SUPT3H: variants seen among roughly 807,000 people sequenced by gnomAD.
The protein encoded by SUPT3H is SPT3 homolog, SAGA and STAGA complex component, also known as transcription initiation protein SPT3 homolog.
SUPT3H carries 44 observed loss-of-function variants against 44.3 expected under a neutral mutation model. The observed-to-expected ratio is 0.99, with a 90% CI of 0.78 to 1.28. SUPT3H has a LOEUF of 1.28. Among genes scored for constraint, SUPT3H ranks in the 50% most tolerant of loss-of-function variants. SUPT3H has a pLI of 0.00. For synonymous variants in SUPT3H, 124 were observed against 125.6 expected (o/e 0.99, Z 0.09); for missense variants, 380 against 387.1 (o/e 0.98, Z 0.15).
intron 2 of SUPT3H, among the ~76,000 whole-genome samples, chr6:45,211,903 T>C (rs1360848557): frequency 6.7e-6 from 1 of 148,466 alleles, no homozygotes; most frequent in Non-Finnish European, 1.5e-5. Context: ...GTGGCTCACA[T>C]GTGTAATCCT....
chr6:45,138,115 T>C (rs1175761187), intron 2 of SUPT3H, among the ~76,000 whole-genome samples: 1 of 152,050 alleles, frequency 6.6e-6, no homozygotes, highest in East Asian at 1.9e-4. Flanking sequence ...TGCTCAACAG[T>C]ATTAGTCATT....
chr6:45,259,938 CTT>C (rs1285507337), intron 2 of SUPT3H, among the ~76,000 whole-genome samples: 7 of 152,116 alleles, frequency 4.6e-5, no homozygotes, highest in Non-Finnish European at 1.0e-4. Context: ...TTCTTTTTCT[CTT>C]GTGTTAACAC....
At chr6:44,913,446 T>C (rs1187585220) in intron 10 of SUPT3H, among the ~76,000 whole-genome samples, 1 of 152,116 alleles carries the variant, frequency 6.6e-6, no homozygotes, top group Non-Finnish European at 1.5e-5. Flanking sequence ...ATATTTTATG[T>C]TGGGAATTTC....
chr6:45,140,907 G>A (rs543919385), intron 2 of SUPT3H, among the ~76,000 whole-genome samples: 47 of 152,152 alleles, frequency 3.1e-4, no homozygotes, highest in Non-Finnish European at 6.0e-4. Context: ...TGAACAGCAC[G>A]CCTTGAGTTC....
rs1766401160 is a variant in SUPT3H, at chr6:44,809,988, C to T, written c.*53-487G>A. Among the ~76,000 whole-genome samples, 4 of 152,248 alleles carry T rather than the reference C, an allele frequency of 2.6e-5. No individual in the cohort carries two copies. In the South Asian group the frequency reaches 8.3e-4, roughly 32 times the overall value. On this transcript the variant is annotated intron_variant and NMD_transcript_variant, in intron 11 of 11. Coordinates refer to the SUPT3H transcript ENST00000475057. ...TGCCAGATCCACGGAGGAAACAAAC[C>T]TTGTGGTGAAGGGGCCAAATGTATT...
At chr6:45,214,881 C>T (rs570391954) in intron 2 of SUPT3H, among the ~76,000 whole-genome samples, 8 of 152,242 alleles carry the variant, frequency 5.3e-5, no homozygotes, top group East Asian at 1.9e-4. Context: ...AACCCCCTCA[C>T]GACCGAGAGT....
chr6:45,004,482 C>A (rs561635486), intron 5 of SUPT3H, among the ~76,000 whole-genome samples: 22 of 151,974 alleles, frequency 1.4e-4, no homozygotes, highest in African/African-American at 4.3e-4. Context: ...TCTATATTAT[C>A]ATCTTAGGTC....
intron 2 of SUPT3H, chr6:45,159,432 A>G (rs1410203555): frequency 1.3e-5 from 2 of 152,180 alleles, no homozygotes; most frequent in African/African-American, 4.8e-5. Flanking sequence ...AGATCAAAAT[A>G]GTCATCCCAG....
chr6:45,335,832 T>G (rs1788436409), intron 2 of SUPT3H, among the ~76,000 whole-genome samples: 1 of 151,340 alleles, frequency 6.6e-6, no homozygotes, highest in African/African-American at 2.4e-5. Flanking sequence ...ATTAATTTTT[T>G]TACCTCTCAT....
chr6:44,851,883 C>A (rs549243), intron 10 of SUPT3H, among the ~76,000 whole-genome samples: 3,097 of 152,190 alleles, frequency 0.02, 42 homozygotes, highest in Non-Finnish European at 0.033. Flanking sequence ...ATGGGAAAAT[C>A]GAAAACTGAC....
At chr6:45,274,977 C>T (rs1776775670) in intron 2 of SUPT3H, among the ~76,000 whole-genome samples, 1 of 152,008 alleles carries the variant, frequency 6.6e-6, no homozygotes, top group Non-Finnish European at 1.5e-5. Flanking sequence ...ATTAATGAGG[C>T]ATATTATATT....
At chr6:45,281,673 T>G (rs1778111687) in intron 2 of SUPT3H, among the ~76,000 whole-genome samples, 1 of 152,160 alleles carries the variant, frequency 6.6e-6, no homozygotes, top group Non-Finnish European at 1.5e-5. Flanking sequence ...GGGCAGGGCA[T>G]AGCCAAACAA....
chr6:45,197,036 A>G (rs571311953), intron 2 of SUPT3H, among the ~76,000 whole-genome samples: 1 of 151,890 alleles, frequency 6.6e-6, no homozygotes, highest in South Asian at 2.1e-4. Flanking sequence ...GTTAACATAA[A>G]AAATAGTATG....
intron 3 of SUPT3H, among the ~76,000 whole-genome samples, chr6:45,029,843 C>T (rs1216231168): frequency 3.3e-5 from 5 of 152,228 alleles, no homozygotes; most frequent in African/African-American, 4.8e-5. Flanking sequence ...TGGCTCACTG[C>T]AGCCTCAAAC....
intron 2 of SUPT3H, among the ~76,000 whole-genome samples, chr6:45,166,385 A>G (rs1797159): frequency 0.85 from 129,176 of 151,950 alleles, 55,144 homozygotes; most frequent in African/African-American, 0.89. Context: ...TCAGGAGATT[A>G]AGACCATCCT....
intron 10 of SUPT3H, among the ~76,000 whole-genome samples, chr6:44,834,406 T>G (rs969624985): frequency 3.9e-5 from 6 of 152,152 alleles, no homozygotes; most frequent in Admixed American, 3.3e-4. Context: ...ATCTGTAGAT[T>G]AGGCATTGCT....
At chr6:44,931,870 A>C (rs1164745723) in intron 10 of SUPT3H, among the ~76,000 whole-genome samples, 2 of 151,410 alleles carry the variant, frequency 1.3e-5, no homozygotes, top group African/African-American at 4.9e-5. Flanking sequence ...TTATTTTCTC[A>C]TTTGTTTATG....
At chr6:45,332,324 G>C (rs1274806325) in intron 2 of SUPT3H, among the ~76,000 whole-genome samples, 1 of 150,442 alleles carries the variant, frequency 6.6e-6, no homozygotes, top group African/African-American at 2.4e-5. Context: ...AAAAGGTTAG[G>C]GGTTACCTAA....
intron 6 of SUPT3H, among the ~76,000 whole-genome samples, chr6:44,993,565 A>G (rs1401022878): frequency 1.3e-5 from 2 of 152,144 alleles, no homozygotes; most frequent in African/African-American, 4.8e-5. Context: ...TTGATAGTAT[A>G]AAAAGTCACA....
Sources: gnomAD v4.1 joint callset for allele counts (sites outside exome capture counted in the v4.1 genomes callset) on GRCh38, gnomAD v4.1.1 for gene constraint, MANE v1.5 for transcripts, NCBI Gene and HGNC (gene_info 2026-07-23, HGNC 2026-07-21) for gene names.